Variants in UBAC2 observed in about 807,000 individuals in gnomAD.
UBAC2 encodes the protein UBA domain containing 2.
A neutral mutation model predicts 44.0 loss-of-function variants in UBAC2; 26 were observed. That is an observed-to-expected ratio of 0.59 (90% CI 0.43 to 0.82). The LOEUF (loss-of-function observed/expected upper bound fraction) is 0.82. Among genes scored for constraint, UBAC2 ranks in the 40% least tolerant of loss-of-function variants. UBAC2 has a pLI of 0.00. For missense variants in UBAC2, 329 were observed against 419.4 expected, an observed-to-expected ratio of 0.78 and a Z score of 1.88; for synonymous variants, 155 against 154.3, an observed-to-expected ratio of 1.00 and a Z score of -0.04.
chr13:99,373,788 C>G (rs1593984475), intron 8 of UBAC2, among the ~76,000 whole-genome samples: 1 of 152,044 alleles, frequency 6.6e-6, no homozygotes, highest in East Asian at 1.9e-4. Flanking sequence ...ACAGGCTCGC[C>G]AAGGGTCTGA....
intron 7 of UBAC2, among the ~76,000 whole-genome samples, chr13:99,362,485 T>C (rs1019567091): frequency 6.6e-6 from 1 of 152,228 alleles, no homozygotes; most frequent in Non-Finnish European, 1.5e-5. Context: ...CAGCAACTTA[T>C]CAGAGTTCCC....
chr13:99,314,786 A>G (rs2138767676), intron 5 of UBAC2: 1 of 152,404 alleles, frequency 6.6e-6, no homozygotes, highest in East Asian at 1.9e-4. Flanking sequence ...TTACATTTGA[A>G]AAGCTTCTTT....
chr13:99,234,337 G>A, intron 1 of UBAC2: 1 of 336,168 alleles, frequency 3.0e-6, no homozygotes, highest in Non-Finnish European at 6.3e-6. Flanking sequence ...ATAGGCGCTT[G>A]CCACCACGCC....
intron 4 of UBAC2, among the ~76,000 whole-genome samples, chr13:99,265,934 G>A (rs2043738102): frequency 6.6e-6 from 1 of 152,200 alleles, no homozygotes; most frequent in Admixed American, 6.5e-5. Flanking sequence ...TTTATTGAAT[G>A]TAGGAGTACT....
rs528651085 is a variant in UBAC2 at position 99,203,083 on chromosome 13, G to A, written c.31+2144G>A. On this transcript the variant is annotated intron_variant, in intron 1 of 8. Transcript: ENST00000403766. ...GAGATGGAGTCTCACTGTTGCCCAG[G>A]CTGGAGTGCAGTGGTGGATCTCCGC... Among the ~76,000 whole-genome samples, 11 of 150,812 alleles carry A rather than the reference G, an allele frequency of 7.3e-5. No individual in the cohort carries two copies. In the South Asian group the frequency reaches 2.1e-3, roughly 29 times the overall value.
chr13:99,211,849 C>T (rs1406170184), intron 1 of UBAC2, among the ~76,000 whole-genome samples: 2 of 151,146 alleles, frequency 1.3e-5, no homozygotes, highest in Non-Finnish European at 3.0e-5. Context: ...TCATTGGAAA[C>T]TGCATCATTG....
At chr13:99,330,577 A>C (rs896109658) in intron 6 of UBAC2, among the ~76,000 whole-genome samples, 1 of 151,832 alleles carries the variant, frequency 6.6e-6, no homozygotes, top group African/African-American at 2.4e-5. Flanking sequence ...TAGAGTTTTC[A>C]ACATAGGTGG....
chr13:99,286,138 C>T (rs780419013), intron 4 of UBAC2, among the ~76,000 whole-genome samples: 3 of 152,184 alleles, frequency 2.0e-5, no homozygotes, highest in Non-Finnish European at 4.4e-5. Flanking sequence ...GTATAAGCAC[C>T]GAATTCTGTG....
At chr13:99,301,644 G>GA (rs80175291) in intron 4 of UBAC2, among the ~76,000 whole-genome samples, 4 of 149,546 alleles carry the variant, frequency 2.7e-5, no homozygotes, top group South Asian at 2.1e-4. Flanking sequence ...GCCGCAAAAG[G>GA]AAAAAAAAAT....
At chr13:99,257,592 AT>A (rs1447599387) in intron 4 of UBAC2, among the ~76,000 whole-genome samples, 1 of 152,218 alleles carries the variant, frequency 6.6e-6, no homozygotes, top group Non-Finnish European at 1.5e-5. Context: ...GCATTATAGT[AT>A]TGATTGTGCT....
chr13:99,253,638 C>T (rs562310768), intron 4 of UBAC2, among the ~76,000 whole-genome samples: 1 of 152,172 alleles, frequency 6.6e-6, no homozygotes, highest in South Asian at 2.1e-4. Context: ...CTCAGCTTCC[C>T]GAGTAGCTGG....
chr13:99,383,035 T>A (rs1049953904), intron 8 of UBAC2, among the ~76,000 whole-genome samples: 1 of 152,226 alleles, frequency 6.6e-6, no homozygotes, highest in Non-Finnish European at 1.5e-5. Flanking sequence ...TGTGGCATTG[T>A]GTGGATGGCA....
intron 1 of UBAC2, among the ~76,000 whole-genome samples, chr13:99,230,436 T>A (rs2142707085): frequency 6.6e-6 from 1 of 151,934 alleles, no homozygotes; most frequent in East Asian, 1.9e-4. Flanking sequence ...GCCACTGCAC[T>A]CCAGCCTGGG....
intron 1 of UBAC2, among the ~76,000 whole-genome samples, chr13:99,214,697 C>G (rs1196793952): frequency 5.3e-5 from 8 of 152,090 alleles, no homozygotes; most frequent in Admixed American, 1.3e-4. Flanking sequence ...TTGCAGACCT[C>G]CAACCCCCTC....
At chr13:99,327,848 T>C (rs2044661009) in intron 6 of UBAC2, among the ~76,000 whole-genome samples, 1 of 152,208 alleles carries the variant, frequency 6.6e-6, no homozygotes, top group South Asian at 2.1e-4. Context: ...CCTTTTTTTG[T>C]TTATTAAGAT....
intron 8 of UBAC2, among the ~76,000 whole-genome samples, chr13:99,384,962 C>G (rs895361668): frequency 1.4e-4 from 21 of 152,234 alleles, no homozygotes; most frequent in Non-Finnish European, 1.3e-4. Context: ...TCCCAGTAGG[C>G]CACTTTACCC....
intron 8 of UBAC2, among the ~76,000 whole-genome samples, chr13:99,373,114 C>G (rs2045430385): frequency 6.6e-6 from 1 of 151,584 alleles, no homozygotes; most frequent in South Asian, 2.1e-4. Context: ...GAGCAAGACT[C>G]TGTCTCAAAA....
chr13:99,338,058 T>TA (rs1566509581), intron 6 of UBAC2, among the ~76,000 whole-genome samples: 1 of 93,976 alleles, frequency 1.1e-5, no homozygotes, highest in Non-Finnish European at 2.4e-5. Context: ...TTTTTTTTTT[T>TA]TTTTTTTTTT....
chr13:99,363,766 A>G (rs889144084), intron 7 of UBAC2, among the ~76,000 whole-genome samples: 1 of 152,228 alleles, frequency 6.6e-6, no homozygotes, highest in African/African-American at 2.4e-5. Context: ...CCAAAGGGGG[A>G]AAATGGATAT....
Sources: gnomAD v4.1 joint callset for allele counts (sites outside exome capture counted in the v4.1 genomes callset) on GRCh38, gnomAD v4.1.1 for gene constraint, MANE v1.5 for transcripts, NCBI Gene and HGNC (gene_info 2026-07-23, HGNC 2026-07-21) for gene names.